Variants in SUGCT observed in about 807,000 individuals in gnomAD.
SUGCT encodes the protein succinyl-CoA:glutarate CoA-transferase.
SUGCT carries 41 observed loss-of-function variants against 55.0 expected under a neutral mutation model. The observed-to-expected ratio is 0.74, with a 90% confidence interval of 0.58 to 0.97. The LOEUF (loss-of-function observed/expected upper bound fraction) is 0.97, where lower values mean the gene tolerates loss of function less well. Ranked by LOEUF, SUGCT falls within the 50% of genes least tolerant of loss-of-function variation. SUGCT has a pLI of 0.00. For missense variants in SUGCT, 568 were observed against 547.8 expected (o/e 1.04, Z -0.37); for synonymous variants, 187 against 200.4 (o/e 0.93, Z 0.56).
chr7:40,590,982 G>A (rs990738523), intron 12 of SUGCT, among the ~76,000 whole-genome samples: 2 of 152,144 alleles, frequency 1.3e-5, no homozygotes, highest in African/African-American at 2.4e-5. Flanking sequence ...ATGGAGATGT[G>A]TAGGGAAATT....
downstream of SUGCT, among the ~76,000 whole-genome samples, chr7:40,865,669 C>T (rs1297140686): frequency 1.3e-5 from 2 of 152,160 alleles, no homozygotes; most frequent in African/African-American, 4.8e-5. Context: ...AGGGCAGGAG[C>T]AGGGAGAGCA....
At position 40,648,989 on chromosome 7, in the gene SUGCT, A is replaced by T. The variant is rs575122371; in HGVS notation, c.1090-100445A>T. On this transcript the variant is annotated intron_variant, in intron 12 of 13. Transcript: ENST00000335693. ...AATATTTTGTTCTTTGAACAAATTT[A>T]TGAAACTTTTTTCTTAAAAACTTAA... Among the ~76,000 whole-genome samples, 4 of 152,338 alleles carry T rather than the reference A, an allele frequency of 2.6e-5. No individual in the cohort carries two copies. The East Asian group carries it at 7.7e-4, about 29-fold the overall frequency.
intron 7 of SUGCT, among the ~76,000 whole-genome samples, chr7:40,257,383 A>G (rs1790880443): frequency 6.6e-6 from 1 of 152,154 alleles, no homozygotes; most frequent in African/African-American, 2.4e-5. Context: ...GTTTATCTAT[A>G]TATGGCACTG....
intron 8 of SUGCT, among the ~76,000 whole-genome samples, chr7:40,293,006 G>T (rs183355478): frequency 6.6e-6 from 1 of 152,144 alleles, no homozygotes; most frequent in Non-Finnish European, 1.5e-5. Flanking sequence ...CTAGAAGACA[G>T]GTTCAGAGCT....
chr7:40,135,112 C>A lies in SUGCT; in HGVS notation c.92C>A (p.Pro31Gln). 1 of 1,554,704 alleles carries A rather than the reference C, an allele frequency of 6.4e-7. No homozygotes were observed. The highest frequency in any genetic ancestry group is 8.7e-7 in the Non-Finnish European group (1 of 1,150,426). Residue 31 changes from proline to glutamine, a missense_variant, in exon 1 of 14, where the codon CCG (proline) becomes CAG (glutamine). Physicochemically the swap from Pro to Gln is moderately conservative, Grantham distance 76 (BLOSUM62 -1). Coordinates refer to ENST00000335693, the MANE Select transcript of SUGCT (RefSeq NM_001193313.2). ...GGGRGLWTGR[P>Q]QSDMNNIKPL... ...GGGAGGGGGCTGTGGACTGGCCGCCCGCAGTCAGGTACCCTCCGAGATTCG... is the reference window on the plus strand; with the variant it reads ...GGGAGGGGGCTGTGGACTGGCCGCCAGCAGTCAGGTACCCTCCGAGATTCG...
downstream of SUGCT, among the ~76,000 whole-genome samples, chr7:40,861,034 C>T (rs562354968): frequency 7.9e-5 from 12 of 152,252 alleles, no homozygotes; most frequent in South Asian, 1.9e-3. Context: ...ATAGACTTTG[C>T]GGATGTCCAT....
At position 40,824,381 on chromosome 7, in the gene SUGCT, A is replaced by G. The variant is rs560636469; in HGVS notation, c.1154-35935A>G. Among the ~76,000 whole-genome samples, 38 of 152,152 alleles carry G rather than the reference A, an allele frequency of 2.5e-4. No individual in the cohort carries two copies. In the South Asian group the frequency reaches 7.7e-3, roughly 31 times the overall value. On this transcript the variant is annotated intron_variant, in intron 13 of 13. Coordinates refer to ENST00000335693, the MANE Select transcript of SUGCT (RefSeq NM_001193313.2). ...GGGTATGTGTGTGTGTTGGGGAGGC[A>G]AGAACAGAGGGAGGAGGGGAAAAAC...
intron 6 of SUGCT, among the ~76,000 whole-genome samples, chr7:40,228,674 A>G (rs1004752198): frequency 7.2e-5 from 11 of 152,126 alleles, no homozygotes; most frequent in East Asian, 1.9e-4. Context: ...AAAATGTGCT[A>G]TTCTAGTTCT....
At chr7:40,399,643 G>A (rs1785953889) in intron 9 of SUGCT, among the ~76,000 whole-genome samples, 1 of 152,186 alleles carries the variant, frequency 6.6e-6, no homozygotes, top group African/African-American at 2.4e-5. Flanking sequence ...TTTGGTTCAT[G>A]TGTCCGTCTC....
intron 12 of SUGCT, among the ~76,000 whole-genome samples, chr7:40,725,508 T>C (rs1400224257): frequency 6.6e-6 from 1 of 152,168 alleles, no homozygotes; most frequent in African/African-American, 2.4e-5. Flanking sequence ...ACTCTACCTA[T>C]TACGTAGGTG....
intron 12 of SUGCT, among the ~76,000 whole-genome samples, chr7:40,563,362 T>A (rs551339635): frequency 8.5e-5 from 13 of 152,274 alleles, no homozygotes; most frequent in African/African-American, 2.6e-4. Flanking sequence ...GGTTTGACAG[T>A]TCTTCGGTAT....
chr7:40,218,671 G>A (rs1481609733), intron 6 of SUGCT, among the ~76,000 whole-genome samples: 2 of 151,994 alleles, frequency 1.3e-5, no homozygotes, highest in Non-Finnish European at 2.9e-5. Flanking sequence ...CTAGCTAGAG[G>A]ATTGTAAACA....
At chr7:40,252,920 T>G (rs551798816) in intron 7 of SUGCT, among the ~76,000 whole-genome samples, 1 of 152,356 alleles carries the variant, frequency 6.6e-6, no homozygotes, top group African/African-American at 2.4e-5. Context: ...GTGCTGGGAT[T>G]ACAGGTGCAA....
intron 12 of SUGCT, among the ~76,000 whole-genome samples, chr7:40,566,937 T>A (rs998451241): frequency 6.6e-6 from 1 of 152,252 alleles, no homozygotes. Flanking sequence ...TAAAAAAATA[T>A]TGCTGTTATG....
At chr7:40,437,170 A>C (rs1180535186) in intron 9 of SUGCT, among the ~76,000 whole-genome samples, 3 of 152,200 alleles carry the variant, frequency 2.0e-5, no homozygotes, top group Admixed American at 2.0e-4. Flanking sequence ...CATTGACAAC[A>C]CGTAAAGAAT....
chr7:40,522,962 AT>A (rs1793621773), intron 12 of SUGCT, among the ~76,000 whole-genome samples: 1 of 152,138 alleles, frequency 6.6e-6, no homozygotes, highest in African/African-American at 2.4e-5. Flanking sequence ...TAAAAGCTTT[AT>A]AATATGTAAT....
At chr7:40,909,435 G>A in the SUGCT span, among the ~76,000 whole-genome samples, 2 of 152,272 alleles carry the variant, frequency 1.3e-5, no homozygotes, top group East Asian at 3.9e-4. Flanking sequence ...ATGGGCTGTG[G>A]GCCAATGTTT....
chr7:40,806,603 G>A (rs1791105868), intron 13 of SUGCT, among the ~76,000 whole-genome samples: 1 of 151,800 alleles, frequency 6.6e-6, no homozygotes, highest in Non-Finnish European at 1.5e-5. Flanking sequence ...TGTTTTGTTA[G>A]GAAAAACATC....
At chr7:40,544,948 A>G (rs1794910826) in intron 12 of SUGCT, among the ~76,000 whole-genome samples, 1 of 152,162 alleles carries the variant, frequency 6.6e-6, no homozygotes. Flanking sequence ...CTATAATTTT[A>G]TAGAATAGCT....
Sources: allele counts gnomAD v4.1 joint callset (sites outside exome capture counted in the v4.1 genomes callset), GRCh38; gene constraint gnomAD v4.1.1; transcripts MANE v1.5; gene names NCBI Gene and HGNC (gene_info 2026-07-23, HGNC 2026-07-21).